The following TGFBR3 variants were observed in gnomAD, a reference collection of about 807,000 sequenced individuals.
TGFBR3 encodes transforming growth factor beta receptor type 3.
A neutral mutation model predicts 87.9 loss-of-function variants in TGFBR3; 46 were observed. The ratio of observed to expected loss-of-function variants is 0.52; its 90% CI spans 0.41 to 0.67. The LOEUF (loss-of-function observed/expected upper bound fraction) is 0.67. Among genes scored for constraint, TGFBR3 ranks in the 30% least tolerant of loss-of-function variants. TGFBR3 has a pLI of 0.00. For synonymous variants in TGFBR3, 381 were observed against 391.6 expected (o/e 0.97, Z 0.32); for missense variants, 866 against 1,041.9 (o/e 0.83, Z 2.32).
At chr1:91,869,050 T>C (rs554348174) in intron 1 of TGFBR3, among the ~76,000 whole-genome samples, 3 of 152,308 alleles carry the variant, frequency 2.0e-5, no homozygotes, top group African/African-American at 7.2e-5. Flanking sequence ...AAAAGTGATG[T>C]TCACTATATC....
Position 91,755,681 on chromosome 1 carries a change from A to C in TGFBR3, c.384+2932T>G, listed in dbSNP as rs368693171. On this transcript the variant is annotated intron_variant, in intron 4 of 16. Transcript: ENST00000212355. Reference sequence around the variant, plus strand: ...TTAGTGTCTAAACTGATGACCAAGAAGCAGTTTTTACAGATTTTAAGCAAA... The same window carrying C: ...TTAGTGTCTAAACTGATGACCAAGACGCAGTTTTTACAGATTTTAAGCAAA... Among the ~76,000 whole-genome samples the C allele has an allele frequency of 9.8e-5, 15 of 152,372 alleles. No homozygotes were observed. The East Asian group carries it at 1.2e-3, about 12-fold the overall frequency.
At chr1:91,789,426 C>T (rs1294063081) in intron 3 of TGFBR3, among the ~76,000 whole-genome samples, 5 of 152,190 alleles carry the variant, frequency 3.3e-5, no homozygotes, top group East Asian at 3.9e-4. Context: ...CTAAAAAGGC[C>T]GAGTCCAACC....
At chr1:91,752,060 A>C (rs1228133351) in intron 4 of TGFBR3, among the ~76,000 whole-genome samples, 1 of 152,152 alleles carries the variant, frequency 6.6e-6, no homozygotes, top group Non-Finnish European at 1.5e-5. Flanking sequence ...GATGTATATA[A>C]CTAGTTAGTG....
At chr1:91,689,236 A>T (rs1671192273) in intron 16 of TGFBR3, among the ~76,000 whole-genome samples, 1 of 152,174 alleles carries the variant, frequency 6.6e-6, no homozygotes, top group South Asian at 2.1e-4. Flanking sequence ...TTCTTTCTCC[A>T]GTGAGACTTC....
At chr1:91,829,147 G>A (rs556941549) in intron 2 of TGFBR3, among the ~76,000 whole-genome samples, 1 of 152,130 alleles carries the variant, frequency 6.6e-6, no homozygotes, top group East Asian at 1.9e-4. Context: ...AGGGTGAGGT[G>A]GGCAGATCAC....
intron 9 of TGFBR3, 28 bp downstream of exon 9, chr1:91,719,865 C>T (rs776157751): frequency 1.9e-6 from 3 of 1,606,282 alleles, no homozygotes; most frequent in Middle Eastern, 3.3e-4. Flanking sequence ...GGTAGCCTCT[C>T]TTCCCTCCTG....
intron 5 of TGFBR3, among the ~76,000 whole-genome samples, chr1:91,730,422 C>T (rs1672724464): frequency 6.6e-6 from 1 of 152,110 alleles, no homozygotes; most frequent in African/African-American, 2.4e-5. Flanking sequence ...AACTTCTCAG[C>T]TCCTTCCTCA....
intron 2 of TGFBR3, among the ~76,000 whole-genome samples, chr1:91,854,704 A>G (rs1424439706): frequency 2.0e-5 from 3 of 152,204 alleles, no homozygotes; most frequent in Non-Finnish European, 4.4e-5. Flanking sequence ...ATCATGATGT[A>G]CACCATAAAT....
Position 91,710,911 on chromosome 1 carries a change from G to A in TGFBR3, c.2166+1332C>T, listed in dbSNP as rs1438350111. 3.3e-5 allele frequency among the ~76,000 whole-genome samples: 5 copies of A among 152,170 alleles called. No individual in the cohort carries two copies. The East Asian group carries it at 9.6e-4, about 29-fold the overall frequency. On this transcript the variant is annotated intron_variant, in intron 13 of 16. Transcript: ENST00000212355. ...TATATCCCATCATGTCATCCCCTGA[G>A]GCTTAGAACTCTCTTTACGATTAAT...
In TGFBR3 at chr1:91,716,588, T is replaced by G. The variant is rs766413439; in HGVS notation, c.1687A>C (p.Thr563Pro). ...DMDEGDASLFTRPEIVVFNCS... is the reference protein window; with the variant it reads ...DMDEGDASLFPRPEIVVFNCS... ...CATACCACCACGATTTCAGGTCGGG[T>G]GAACAGGGAAGCATCTCCTTCATCC... Residue 563 changes from threonine to proline, a missense_variant, in exon 11 of 17, where the codon ACC (threonine) becomes CCC (proline). Coordinates refer to ENST00000212355, the MANE Select transcript of TGFBR3 (RefSeq NM_003243.5). 2.5e-6 allele frequency: 4 copies of G among 1,613,890 alleles called. No individual in the cohort carries two copies. The highest frequency in any genetic ancestry group is 3.4e-6 in the Non-Finnish European group (4 of 1,179,996).
rs149232854 is a variant in TGFBR3, at chr1:91,873,672, C to T, written c.-113-12028G>A. On this transcript the variant is annotated intron_variant, in intron 1 of 16. Coordinates refer to ENST00000212355, the MANE Select transcript of TGFBR3 (RefSeq NM_003243.5). ...TAAGAAATCCATAAAATGGGCTGAG[C>T]GCTGTGGCTAACGCCTGTAATCCCA... Among the ~76,000 whole-genome samples the T allele has an allele frequency of 7.5e-3, 1,136 of 152,248 alleles. 16 individuals are homozygous for T. Among genetic ancestry groups the T allele is most frequent in the African/African-American group, 0.026 (1,070 of 41,548 alleles).
intron 4 of TGFBR3, among the ~76,000 whole-genome samples, chr1:91,751,222 T>A (rs747818397): frequency 1.8e-4 from 27 of 152,150 alleles, no homozygotes; most frequent in Non-Finnish European, 4.0e-4. Context: ...AGAAAAAAAT[T>A]ATTTCCAGAT....
At chr1:91,788,244 G>A (rs1352209791) in intron 3 of TGFBR3, among the ~76,000 whole-genome samples, 1 of 152,212 alleles carries the variant, frequency 6.6e-6, no homozygotes, top group Admixed American at 6.5e-5. Context: ...AGGTATTAGG[G>A]CTAGGTGGAC....
intron 4 of TGFBR3, 59 bp from the exon 5 acceptor site, chr1:91,735,018 T>G: frequency 1.3e-6 from 2 of 1,589,442 alleles, no homozygotes; most frequent in Admixed American, 3.3e-5. Flanking sequence ...GAATCATAAT[T>G]AGAGAAAGTA....
intron 2 of TGFBR3, among the ~76,000 whole-genome samples, chr1:91,852,636 G>T (rs1005916900): frequency 1.3e-4 from 20 of 152,152 alleles, no homozygotes; most frequent in African/African-American, 4.6e-4. Flanking sequence ...GCGCCATCTC[G>T]GCTCACCGCA....
intron 1 of TGFBR3, among the ~76,000 whole-genome samples, chr1:91,902,268 C>CTTT (rs141866290): frequency 4.2e-4 from 52 of 125,218 alleles, no homozygotes; most frequent in African/African-American, 7.8e-4. Context: ...CTTTCCTTTT[C>CTTT]TTTTGTGTGT....
At chr1:91,875,273 A>G (rs1678737742) in intron 1 of TGFBR3, among the ~76,000 whole-genome samples, 1 of 152,182 alleles carries the variant, frequency 6.6e-6, no homozygotes, top group Admixed American at 6.5e-5. Flanking sequence ...AGCCTGGAAG[A>G]GTAAGCAGGA....
At chr1:91,689,840 TAAAAAAAAAA>T (rs545760131) in intron 16 of TGFBR3, among the ~76,000 whole-genome samples, 45 of 99,304 alleles carry the variant, frequency 4.5e-4, no homozygotes, top group African/African-American at 1.6e-3. Context: ...AGAAACTGAT[TAAAAAAAAAA>T]AAAAAAAAAA....
At chr1:91,744,327 C>T (rs936100453) in intron 4 of TGFBR3, among the ~76,000 whole-genome samples, 1 of 152,146 alleles carries the variant, frequency 6.6e-6, no homozygotes, top group Non-Finnish European at 1.5e-5. Flanking sequence ...CTCAGGTGAT[C>T]TGCCCACCCC....
Sources: gnomAD v4.1 joint callset for allele counts (sites outside exome capture counted in the v4.1 genomes callset) on GRCh38, gnomAD v4.1.1 for gene constraint, MANE v1.5 for transcripts, NCBI Gene and HGNC (gene_info 2026-07-23, HGNC 2026-07-21) for gene names.